The following EIPR1 variants were observed in gnomAD, a reference collection of about 807,000 sequenced individuals.
The protein encoded by EIPR1 is EARP complex and GARP complex interacting protein 1.
Under a neutral mutation model 48.1 loss-of-function variants are expected in EIPR1, and 25 were observed. The observed-to-expected ratio is 0.52, with a 90% CI of 0.38 to 0.73. EIPR1 has a LOEUF of 0.73. Among genes scored for constraint, EIPR1 ranks in the 30% least tolerant of loss-of-function variants. The probability of loss-of-function intolerance (pLI) is 0.00; values close to 1 mark genes in which losing one functional copy is unlikely to be tolerated. For synonymous variants in EIPR1, 204 were observed against 201.9 expected (o/e 1.01, Z -0.09); for missense variants, 415 against 506.2 (o/e 0.82, Z 1.73).
intron 3 of EIPR1, among the ~76,000 whole-genome samples, chr2:3,333,837 G>A (rs903719664): frequency 3.3e-5 from 5 of 151,990 alleles, no homozygotes; most frequent in Non-Finnish European, 5.9e-5. Flanking sequence ...GAGGGCAACT[G>A]TCTTTCGGAA....
chr2:3,223,505 G>A (rs140981367), intron 4 of EIPR1, among the ~76,000 whole-genome samples: 3 of 152,314 alleles, frequency 2.0e-5, no homozygotes, highest in Admixed American at 2.0e-4. Flanking sequence ...GAGTATGTGA[G>A]GATGTTTTGC....
At chr2:3,246,851 AGGAGGAAGGGAGGGAAGGAG>A (rs1666822374) in intron 4 of EIPR1, among the ~76,000 whole-genome samples, 2 of 24,440 alleles carry the variant, frequency 8.2e-5, no homozygotes, top group African/African-American at 1.7e-4. Context: ...AAGGGAGGGA[AGGAGGAAGGGAGGGAAGGAG>A]GGAGGGAGGG....
At chr2:3,321,226 A>T (rs1391549851) in intron 3 of EIPR1, among the ~76,000 whole-genome samples, 2 of 152,198 alleles carry the variant, frequency 1.3e-5, no homozygotes, top group Admixed American at 1.3e-4. Context: ...GCATCATGAG[A>T]AAATTTAACT....
intron 3 of EIPR1, among the ~76,000 whole-genome samples, chr2:3,322,322 A>C (rs1669561339): frequency 1.3e-5 from 2 of 152,148 alleles, no homozygotes; most frequent in South Asian, 4.1e-4. Flanking sequence ...TTTGGGACTG[A>C]GTCTTCTCAT....
chr2:3,340,958 G>A (rs1473462875), intron 2 of EIPR1, among the ~76,000 whole-genome samples: 7 of 151,830 alleles, frequency 4.6e-5, no homozygotes, highest in East Asian at 1.9e-4. Context: ...TTAGCCGGGC[G>A]TAGTGGCAGT....
intron 3 of EIPR1, among the ~76,000 whole-genome samples, chr2:3,288,576 C>T (rs1668276250): frequency 1.3e-5 from 2 of 152,112 alleles, no homozygotes; most frequent in South Asian, 4.1e-4. Flanking sequence ...TCACTGTGGC[C>T]CTTACAGGGC....
At chr2:3,194,374 T>C (rs775715208) in intron 6 of EIPR1, 67 of 490,936 alleles carry the variant, frequency 1.4e-4, no homozygotes, top group Non-Finnish European at 2.0e-4. Flanking sequence ...CACGCTCATC[T>C]CTCCAGAAGC....
At chr2:3,288,366 C>T (rs951421705) in intron 3 of EIPR1, among the ~76,000 whole-genome samples, 7 of 152,204 alleles carry the variant, frequency 4.6e-5, no homozygotes, top group African/African-American at 1.4e-4. Context: ...CCAAGTTCTT[C>T]GAAAGTGACC....
chr2:3,318,558 C>T (rs1298379810), intron 3 of EIPR1, among the ~76,000 whole-genome samples: 2 of 152,152 alleles, frequency 1.3e-5, no homozygotes, highest in African/African-American at 4.8e-5. Flanking sequence ...ACACAGGAGT[C>T]GGCCTCGAAA....
At chr2:3,363,720 C>T (rs973403279) in intron 1 of EIPR1, among the ~76,000 whole-genome samples, 2 of 148,586 alleles carry the variant, frequency 1.3e-5, no homozygotes, top group Non-Finnish European at 3.0e-5. Flanking sequence ...AAAGAAGACA[C>T]AGAATGGGGT....
At chr2:3,229,763 C>T (rs374254026) in intron 4 of EIPR1, among the ~76,000 whole-genome samples, 4 of 152,300 alleles carry the variant, frequency 2.6e-5, no homozygotes, top group African/African-American at 7.2e-5. Flanking sequence ...TTTTCATTAA[C>T]GTCTGTTCAT....
intron 3 of EIPR1, among the ~76,000 whole-genome samples, chr2:3,321,753 G>A (rs1362122670): frequency 2.0e-5 from 3 of 152,144 alleles, no homozygotes; most frequent in Non-Finnish European, 4.4e-5. Context: ...AGACCTCGAA[G>A]CTAAAAGAAA....
intron 3 of EIPR1, among the ~76,000 whole-genome samples, chr2:3,272,230 C>T (rs907938896): frequency 4.6e-5 from 7 of 152,200 alleles, no homozygotes; most frequent in Non-Finnish European, 8.8e-5. Context: ...AAATTTTCTC[C>T]ATTATCAGCA....
In EIPR1 at chr2:3,193,983, C is replaced by T. The variant is rs1572274042; in HGVS notation, c.821+16G>A. Reference sequence around the variant, plus strand: ...CGTAATCCCCTCCTCCCTGAAGCAGCCAGGAGCGGCCCTACCAGTGGGAGT... The same window carrying T: ...CGTAATCCCCTCCTCCCTGAAGCAGTCAGGAGCGGCCCTACCAGTGGGAGT... On this transcript the variant is annotated intron_variant, in intron 7 of 8. Transcript: ENST00000382125. 1.9e-6 allele frequency: 3 copies of T among 1,612,684 alleles called. No individual in the cohort carries two copies. Among genetic ancestry groups the T allele is most frequent in the Non-Finnish European group, 2.5e-6 (3 of 1,179,564 alleles).
chr2:3,308,544 T>C (rs957912979), intron 3 of EIPR1, among the ~76,000 whole-genome samples: 2 of 151,972 alleles, frequency 1.3e-5, no homozygotes, highest in Admixed American at 6.6e-5. Context: ...TGCGGGACAA[T>C]AGCAGATGGC....
At chr2:3,287,421 GGAAAGCTCGTTCACAATCCA>G (rs1668228285) in intron 3 of EIPR1, among the ~76,000 whole-genome samples, 4 of 99,052 alleles carry the variant, frequency 4.0e-5, no homozygotes, top group South Asian at 3.4e-4. Context: ...ACCACGCTCC[GGAAAGCTCGTTCACAATCCA>G]GAAAGCGCGT....
chr2:3,304,519 G>A lies in EIPR1; in HGVS notation c.259+33498C>T, dbSNP rs866048295. ...CCCATCAGTTCAGCCCTCCACTCCC[G>A]TCCAGTTCAACCCTCCAATCCCATC... On this transcript the variant is annotated intron_variant, in intron 3 of 8. Transcript: ENST00000382125. Among the ~76,000 whole-genome samples the A allele has an allele frequency of 8.2e-3, 47 of 5,756 alleles. 11 individuals carry two copies. Among genetic ancestry groups the A allele is most frequent in the Admixed American group, 0.011 (7 of 618 alleles). The allele number at this position is 5,756 out of a possible 152,430, so 3.8% of individuals were successfully genotyped here.
chr2:3,201,653 G>A (rs961357517), intron 5 of EIPR1, among the ~76,000 whole-genome samples: 2 of 152,168 alleles, frequency 1.3e-5, no homozygotes, highest in Non-Finnish European at 2.9e-5. Context: ...CAAAGCTACC[G>A]AGGAAGAAAA....
In EIPR1 at chr2:3,224,080, T is replaced by C. The variant is rs186431072; in HGVS notation, c.417-9832A>G. Among the ~76,000 whole-genome samples, 5 of 152,330 alleles carry C rather than the reference T, an allele frequency of 3.3e-5. No homozygotes were observed. In the East Asian group the frequency reaches 9.6e-4, roughly 29 times the overall value. The stretch of plus-strand genomic sequence containing the variant: ...GCCTTTTCTTCAATCTAACCTAAGA[T>C]CTGGCCATGACTTTATTTCATTCCA... On this transcript the variant is annotated intron_variant, in intron 4 of 8. Transcript: ENST00000382125.
Sources: allele counts gnomAD v4.1 joint callset (sites outside exome capture counted in the v4.1 genomes callset), GRCh38; gene constraint gnomAD v4.1.1; transcripts MANE v1.5; gene names NCBI Gene and HGNC (gene_info 2026-07-23, HGNC 2026-07-21).